Variants in NRXN1 observed in about 807,000 individuals in gnomAD.
NRXN1 encodes the protein neurexin-1.
In NRXN1, 39 loss-of-function variants were observed where a neutral mutation model predicts 150.9. The observed-to-expected ratio is 0.26, with a 90% CI of 0.20 to 0.34. The LOEUF is 0.34. Ranked by LOEUF, NRXN1 falls within the 10% of genes least tolerant of loss-of-function variation. The probability of loss-of-function intolerance (pLI) is 1.00; values close to 1 mark genes in which losing one functional copy is unlikely to be tolerated. For missense variants in NRXN1, 1,815 were observed against 1,949.9 expected (o/e 0.93, Z 1.30); for synonymous variants, 924 against 757.0 (o/e 1.22, Z -3.62).
chr2:50,029,761 T>C (rs113109625), intron 21 of NRXN1, among the ~76,000 whole-genome samples: 5,542 of 152,262 alleles, frequency 0.036, 342 homozygotes, highest in African/African-American at 0.12. Flanking sequence ...GTAGGGCACA[T>C]TGGGCTCTGA....
chr2:50,731,117 C>T (rs938124340), intron 5 of NRXN1, among the ~76,000 whole-genome samples: 9 of 152,114 alleles, frequency 5.9e-5, no homozygotes, highest in East Asian at 3.9e-4. Flanking sequence ...CCATGCTGTA[C>T]TCTGATTTAA....
At chr2:50,517,613 G>A (rs1194386819) in intron 12 of NRXN1, among the ~76,000 whole-genome samples, 3 of 152,062 alleles carry the variant, frequency 2.0e-5, no homozygotes, top group Non-Finnish European at 4.4e-5. Context: ...CAGTTATCTG[G>A]ATAACTATTT....
intron 12 of NRXN1, among the ~76,000 whole-genome samples, chr2:50,515,213 C>A (rs1326389118): frequency 6.6e-6 from 1 of 152,172 alleles, no homozygotes; most frequent in Non-Finnish European, 1.5e-5. Context: ...AGGTTTCATG[C>A]TCCTTAGGAG....
chr2:50,965,611 G>T (rs1693936559), intron 2 of NRXN1, among the ~76,000 whole-genome samples: 1 of 151,210 alleles, frequency 6.6e-6, no homozygotes, highest in Non-Finnish European at 1.5e-5. Flanking sequence ...TAAAAGTTTT[G>T]CTTTTTCTAT....
At chr2:50,070,881 T>C (rs962560864) in intron 19 of NRXN1, among the ~76,000 whole-genome samples, 1 of 149,308 alleles carries the variant, frequency 6.7e-6, no homozygotes, top group Non-Finnish European at 1.5e-5. Flanking sequence ...AGAGGAGAAA[T>C]AGTTCATTGC....
At chr2:50,613,619 C>T (rs905773455) in intron 8 of NRXN1, among the ~76,000 whole-genome samples, 3 of 152,080 alleles carry the variant, frequency 2.0e-5, no homozygotes, top group South Asian at 2.1e-4. Flanking sequence ...ATTAATCTTG[C>T]GGGCATTAGC....
chr2:50,920,393 G>A (rs1332249329), intron 5 of NRXN1, among the ~76,000 whole-genome samples: 3 of 151,734 alleles, frequency 2.0e-5, no homozygotes, highest in Non-Finnish European at 4.4e-5. Flanking sequence ...TCCATATGTA[G>A]AAAATGGTTG....
intron 18 of NRXN1, among the ~76,000 whole-genome samples, chr2:50,118,587 T>C (rs929182927): frequency 6.6e-6 from 1 of 152,196 alleles, no homozygotes; most frequent in Admixed American, 6.5e-5. Flanking sequence ...TTTGCTTTTG[T>C]AAGTAGCTCA....
At chr2:50,201,762 T>A (rs1162913354) in intron 18 of NRXN1, among the ~76,000 whole-genome samples, 1 of 152,172 alleles carries the variant, frequency 6.6e-6, no homozygotes, top group Admixed American at 6.5e-5. Flanking sequence ...AAGCTCATGG[T>A]CTCATGTGAT....
At chr2:49,927,303 A>C in intron 22 of NRXN1, among the ~76,000 whole-genome samples, 1 of 152,224 alleles carries the variant, frequency 6.6e-6, no homozygotes, top group East Asian at 1.9e-4. Flanking sequence ...ATGGTTTGGC[A>C]AAACAAATAA....
intron 18 of NRXN1, among the ~76,000 whole-genome samples, chr2:50,236,019 T>C (rs2065384349): frequency 6.6e-6 from 1 of 152,010 alleles, no homozygotes; most frequent in South Asian, 2.1e-4. Context: ...ATTTAAAGAG[T>C]TGCAAACATA....
intron 2 of NRXN1, among the ~76,000 whole-genome samples, chr2:50,930,072 G>A (rs868830603): frequency 8.9e-4 from 135 of 152,160 alleles, no homozygotes; most frequent in Middle Eastern, 3.4e-3. Context: ...TTTCAAACAT[G>A]CTTTTTAACA....
At chr2:50,587,029 G>A (rs72884065) in intron 8 of NRXN1, among the ~76,000 whole-genome samples, 5,080 of 140,124 alleles carry the variant, frequency 0.036, 259 homozygotes, top group African/African-American at 0.12. Flanking sequence ...ACAACAGTGA[G>A]ACACAAATCC....
chr2:50,007,062 G>A (rs553145340), intron 21 of NRXN1, among the ~76,000 whole-genome samples: 5 of 152,188 alleles, frequency 3.3e-5, no homozygotes, highest in African/African-American at 4.8e-5. Context: ...AAGGGAACAG[G>A]CCAGGTACAG....
chr2:50,240,206 C>T (rs1055233792), intron 17 of NRXN1, among the ~76,000 whole-genome samples: 3 of 151,496 alleles, frequency 2.0e-5, no homozygotes, highest in Non-Finnish European at 3.0e-5. Context: ...CAAAACAAAG[C>T]AAAAAAATCG....
intron 18 of NRXN1, among the ~76,000 whole-genome samples, chr2:50,223,642 G>A (rs1350059139): frequency 6.6e-6 from 1 of 151,922 alleles, no homozygotes; most frequent in Non-Finnish European, 1.5e-5. Flanking sequence ...CTAATTAACA[G>A]TAATGAACAG....
At chr2:50,282,899 G>C (rs569198748) in intron 17 of NRXN1, among the ~76,000 whole-genome samples, 18 of 152,242 alleles carry the variant, frequency 1.2e-4, no homozygotes, top group South Asian at 6.2e-4. Context: ...TCACTTTGAA[G>C]TCAAAGAGTA....
chr2:50,596,795 C>A (rs1011295711), intron 8 of NRXN1, among the ~76,000 whole-genome samples: 2 of 151,160 alleles, frequency 1.3e-5, no homozygotes, highest in African/African-American at 4.9e-5. Flanking sequence ...CCCTAGTCTG[C>A]CTGGAAAATA....
intron 17 of NRXN1, among the ~76,000 whole-genome samples, chr2:50,299,431 TGACTTC>T: frequency 6.6e-6 from 1 of 151,292 alleles, no homozygotes; most frequent in Non-Finnish European, 1.5e-5. Context: ...TTTTTAAAAC[TGACTTC>T]TAAATTTATT....
Sources: allele counts gnomAD v4.1 joint callset (sites outside exome capture counted in the v4.1 genomes callset), GRCh38; gene constraint gnomAD v4.1.1; transcripts MANE v1.5; gene names NCBI Gene and HGNC (gene_info 2026-07-23, HGNC 2026-07-21).